CCDC68: variants seen among roughly 807,000 people sequenced by gnomAD.
CCDC68 encodes coiled-coil domain-containing protein 68.
CCDC68 carries 45 observed loss-of-function variants against 47.1 expected under a neutral mutation model. The observed-to-expected ratio is 0.96, with a 90% CI of 0.75 to 1.23. CCDC68 has a LOEUF of 1.23. Among genes scored for constraint, CCDC68 ranks in the 50% most tolerant of loss-of-function variants. CCDC68 has a pLI of 0.00. For missense variants in CCDC68, 353 were observed against 373.6 expected, an observed-to-expected ratio of 0.94 and a Z score of 0.45; for synonymous variants, 131 against 129.5, an observed-to-expected ratio of 1.01 and a Z score of -0.08.
chr18:54,926,065 T>C (rs1256115474), intron 8 of CCDC68, among the ~76,000 whole-genome samples: 2 of 152,198 alleles, frequency 1.3e-5, no homozygotes, highest in Non-Finnish European at 2.9e-5. Context: ...ACCATATGCT[T>C]TGACATGCAA....
chr18:54,947,593 A>G (rs564653973), intron 1 of CCDC68, among the ~76,000 whole-genome samples: 115 of 152,334 alleles, frequency 7.5e-4, no homozygotes, highest in African/African-American at 2.7e-3. Flanking sequence ...AATTATTAAC[A>G]ATAATCAATG....
At position 54,903,512 on chromosome 18, in the gene CCDC68, A is replaced by G. The variant is rs1007410334; in HGVS notation, c.*846T>C. ...CATTATTCCTTTGAGCCTATAATAT[A>G]TACATTTTCATGGAAGTATGAGCTA... On this transcript the variant is annotated 3_prime_UTR_variant, in exon 12 of 12. Transcript: ENST00000591504. The G allele has an allele frequency of 6.6e-6, 1 of 152,228 alleles. No homozygotes were observed. The highest frequency in any genetic ancestry group is 1.5e-5 in the Non-Finnish European group (1 of 68,042). The allele number at this position is 152,228 out of a possible 1,614,324, so 9.4% of individuals were successfully genotyped here.
At chr18:54,917,840 GACACACACACACACAC>G in intron 10 of CCDC68, 57 bp downstream of exon 10, 1 of 723,774 alleles carries the variant, frequency 1.4e-6, no homozygotes, top group South Asian at 1.7e-5. Flanking sequence ...CACGTGCACA[GACACACACACACACAC>G]ACACACACAC....
At chr18:54,917,502 T>C (rs1443139675) in intron 10 of CCDC68, among the ~76,000 whole-genome samples, 3 of 152,196 alleles carry the variant, frequency 2.0e-5, no homozygotes, top group Non-Finnish European at 4.4e-5. Context: ...AATAATAATT[T>C]AATAATATTT....
rs958458550 is a variant in CCDC68 at position 54,915,815 on chromosome 18, G to A, written c.873+2098C>T. 2.0e-5 allele frequency among the ~76,000 whole-genome samples: 3 copies of A among 152,026 alleles called. No individual in the cohort carries two copies. In the East Asian group the frequency reaches 5.8e-4, roughly 29 times the overall value. On this transcript the variant is annotated intron_variant, in intron 10 of 11. Transcript: ENST00000591504. ...GACATGGTGTGCGCCTGTAATCCCA[G>A]GTACTCGGGAGGCTGAGGCAGGAGA...
chr18:54,933,558 C>T (rs2044298583), intron 7 of CCDC68, among the ~76,000 whole-genome samples: 1 of 152,190 alleles, frequency 6.6e-6, no homozygotes, highest in African/African-American at 2.4e-5. Flanking sequence ...TGCAAACATT[C>T]TTTGTGCTAT....
intron 11 of CCDC68, among the ~76,000 whole-genome samples, chr18:54,905,458 A>G (rs1037112963): frequency 1.8e-5 from 2 of 113,388 alleles, no homozygotes; most frequent in Admixed American, 1.8e-4. Flanking sequence ...AAGCTCAAGT[A>G]AAAAAGAAAA....
chr18:54,925,524 A>C (rs989548714), intron 8 of CCDC68, among the ~76,000 whole-genome samples: 1 of 152,246 alleles, frequency 6.6e-6, no homozygotes, highest in Non-Finnish European at 1.5e-5. Context: ...AGACAAAGGA[A>C]ATAAAAGTAG....
At chr18:54,919,503 C>A (rs1040476198) in intron 8 of CCDC68, 127 bp from the exon 9 acceptor site, 27 of 693,722 alleles carry the variant, frequency 3.9e-5, no homozygotes, top group African/African-American at 3.3e-4. Context: ...GACCCCGGGG[C>A]CCCATTATGC....
chr18:54,956,070 A>G (rs191561065), intron 1 of CCDC68, among the ~76,000 whole-genome samples: 1 of 151,494 alleles, frequency 6.6e-6, no homozygotes, highest in East Asian at 1.9e-4. Context: ...GCTCACTGCA[A>G]CCTCTGCCTC....
At chr18:54,948,124 TA>T (rs1482524944) in intron 1 of CCDC68, among the ~76,000 whole-genome samples, 2 of 152,160 alleles carry the variant, frequency 1.3e-5, no homozygotes, top group Non-Finnish European at 2.9e-5. Context: ...AAATTCATGT[TA>T]AAGTCCTAAC....
intron 10 of CCDC68, among the ~76,000 whole-genome samples, chr18:54,915,117 A>G (rs1213750404): frequency 6.6e-6 from 1 of 152,214 alleles, no homozygotes; most frequent in African/African-American, 2.4e-5. Flanking sequence ...TGCCAACTCT[A>G]AAACAACCTC....
rs550993176 is a variant in CCDC68 at position 54,952,491 on chromosome 18, C to T, written c.-103+6845G>A. ...GTGAGGATGTGGAACAGTTGGAACT[C>T]CTGTCTGTTGCTGATGGGAATGGAA... On this transcript the variant is annotated intron_variant, in intron 1 of 11. Coordinates refer to ENST00000591504, the MANE Select transcript of CCDC68 (RefSeq NM_025214.3). Among the ~76,000 whole-genome samples the T allele has an allele frequency of 6.6e-5, 10 of 152,288 alleles. No individual in the cohort carries two copies. The East Asian group carries it at 1.7e-3, about 26-fold the overall frequency.
At chr18:54,907,723 T>C (rs1362992390) in intron 11 of CCDC68, 63 bp downstream of exon 11, 26 of 891,076 alleles carry the variant, frequency 2.9e-5, no homozygotes, top group Non-Finnish European at 4.5e-5. Flanking sequence ...CTTGAGTGGG[T>C]TGAATGTCTA....
chr18:54,950,476 G>A (rs1425288453), intron 1 of CCDC68, among the ~76,000 whole-genome samples: 1 of 151,916 alleles, frequency 6.6e-6, no homozygotes, highest in East Asian at 1.9e-4. Flanking sequence ...AACGAGCACA[G>A]TATACGAAAG....
intron 9 of CCDC68, 127 bp from the exon 10 acceptor site, chr18:54,918,123 A>G: frequency 1.7e-6 from 1 of 585,148 alleles, no homozygotes; most frequent in South Asian, 2.1e-5. Flanking sequence ...ATTAAATCCC[A>G]AAGCATTAGC....
intron 1 of CCDC68, 55 bp downstream of exon 1, chr18:54,959,281 G>C (rs2044762272): frequency 6.6e-6 from 1 of 152,416 alleles, no homozygotes; most frequent in Admixed American, 6.5e-5. Context: ...ACACATGGAG[G>C]GGATGCGGGG....
chr18:54,932,679 A>G (rs901190216), intron 7 of CCDC68, among the ~76,000 whole-genome samples: 17 of 152,110 alleles, frequency 1.1e-4, no homozygotes, highest in Non-Finnish European at 1.5e-4. Flanking sequence ...TCTCCTGGAG[A>G]CAGCCCACTG....
intron 8 of CCDC68, among the ~76,000 whole-genome samples, chr18:54,920,660 G>C (rs1028385814): frequency 6.6e-6 from 1 of 152,148 alleles, no homozygotes; most frequent in Non-Finnish European, 1.5e-5. Context: ...TCTCGCAGCA[G>C]TCATAATGGC....
Sources: gnomAD v4.1 joint callset for allele counts (sites outside exome capture counted in the v4.1 genomes callset) on GRCh38, gnomAD v4.1.1 for gene constraint, MANE v1.5 for transcripts, NCBI Gene and HGNC (gene_info 2026-07-23, HGNC 2026-07-21) for gene names.